The following CCDC91 variants were observed in gnomAD, a reference collection of about 807,000 sequenced individuals.
The protein encoded by CCDC91 is coiled-coil domain containing 91.
CCDC91 carries 48 observed loss-of-function variants against 63.2 expected under a neutral mutation model. The ratio of observed to expected loss-of-function variants is 0.76; its 90% CI spans 0.60 to 0.97. The LOEUF (loss-of-function observed/expected upper bound fraction) is 0.97. Ranked by LOEUF, CCDC91 falls within the 50% of genes least tolerant of loss-of-function variation. The probability of loss-of-function intolerance (pLI) is 0.00; values close to 1 mark genes in which losing one functional copy is unlikely to be tolerated. For missense variants in CCDC91, 500 were observed against 494.6 expected (o/e 1.01, Z -0.10); for synonymous variants, 167 against 165.8 (o/e 1.01, Z -0.06).
intron 3 of CCDC91, among the ~76,000 whole-genome samples, chr12:28,297,372 G>T (rs139154394): frequency 6.6e-6 from 1 of 151,644 alleles, no homozygotes; most frequent in Admixed American, 6.6e-5. Flanking sequence ...AGCTTTTTGT[G>T]CTTTAGAAGA....
chr12:28,386,489 C>A (rs1945608851), intron 7 of CCDC91, among the ~76,000 whole-genome samples: 1 of 152,134 alleles, frequency 6.6e-6, no homozygotes, highest in Non-Finnish European at 1.5e-5. Flanking sequence ...CTGCCTGAGC[C>A]TCCTGAGTAG....
chr12:28,193,327 G>A (rs2121219501), intron 1 of CCDC91, among the ~76,000 whole-genome samples: 1 of 152,304 alleles, frequency 6.6e-6, no homozygotes, highest in South Asian at 2.1e-4. Context: ...TACCAGCTGG[G>A]CGCAGTGGCT....
intron 8 of CCDC91, among the ~76,000 whole-genome samples, chr12:28,435,115 C>CT (rs1948836393): frequency 6.6e-6 from 1 of 151,310 alleles, no homozygotes; most frequent in African/African-American, 2.4e-5. Flanking sequence ...TTTTTTTCCT[C>CT]TATTTTCTGT....
intron 12 of CCDC91, among the ~76,000 whole-genome samples, chr12:28,538,813 A>G (rs1192061232): frequency 3.9e-5 from 6 of 152,086 alleles, no homozygotes; most frequent in Non-Finnish European, 8.8e-5. Flanking sequence ...CTGGTGTGAG[A>G]TGGTATCTCA....
At chr12:28,448,843 T>G (rs1949662623) in intron 8 of CCDC91, among the ~76,000 whole-genome samples, 1 of 152,102 alleles carries the variant, frequency 6.6e-6, no homozygotes, top group Non-Finnish European at 1.5e-5. Context: ...CTTTGTATAT[T>G]TTCTCATATG....
chr12:28,481,303 A>G (rs1348334435), intron 11 of CCDC91, among the ~76,000 whole-genome samples: 1 of 151,918 alleles, frequency 6.6e-6, no homozygotes, highest in African/African-American at 2.4e-5. Context: ...GATACTCGGT[A>G]TGCTGCTTAC....
chr12:28,490,208 A>C (rs572587756), intron 12 of CCDC91, among the ~76,000 whole-genome samples: 1 of 151,942 alleles, frequency 6.6e-6, no homozygotes, highest in South Asian at 2.1e-4. Flanking sequence ...GAGGCTGTGT[A>C]GTTGTATGTG....
At chr12:28,340,405 A>T (rs1411367426) in intron 6 of CCDC91, among the ~76,000 whole-genome samples, 2 of 152,178 alleles carry the variant, frequency 1.3e-5, no homozygotes, top group Non-Finnish European at 2.9e-5. Context: ...GAGAGTGAAA[A>T]AGAGAATATC....
At chr12:28,404,124 T>A (rs1473001836) in intron 8 of CCDC91, among the ~76,000 whole-genome samples, 1 of 152,074 alleles carries the variant, frequency 6.6e-6, no homozygotes, top group East Asian at 1.9e-4. Context: ...TAATTTTAGA[T>A]CTTTCTTCTC....
At chr12:28,267,413 A>G (rs1198593682) in intron 3 of CCDC91, among the ~76,000 whole-genome samples, 1 of 150,984 alleles carries the variant, frequency 6.6e-6, no homozygotes. Flanking sequence ...GTAACTAGTT[A>G]TTTTCACTTC....
intron 12 of CCDC91, among the ~76,000 whole-genome samples, chr12:28,512,119 G>A (rs1939442553): frequency 6.6e-6 from 1 of 151,672 alleles, no homozygotes; most frequent in African/African-American, 2.4e-5. Context: ...TCATATTTGG[G>A]TTTCTATGGT....
At chr12:28,340,910 T>G (rs1942370824) in intron 6 of CCDC91, among the ~76,000 whole-genome samples, 2 of 152,216 alleles carry the variant, frequency 1.3e-5, no homozygotes, top group South Asian at 4.1e-4. Flanking sequence ...GGATCCCATG[T>G]GGGCTTGGAG....
chr12:28,264,565 A>C (rs10771416), intron 3 of CCDC91, among the ~76,000 whole-genome samples: 12 of 147,922 alleles, frequency 8.1e-5, no homozygotes, highest in Admixed American at 3.4e-4. Context: ...GAATATAGGC[A>C]CATATATATA....
chr12:28,515,169 C>G (rs1382904246), intron 12 of CCDC91, among the ~76,000 whole-genome samples: 2 of 151,670 alleles, frequency 1.3e-5, no homozygotes, highest in Non-Finnish European at 2.9e-5. Flanking sequence ...TACTCCAGAT[C>G]TCAAAACCAG....
chr12:28,314,115 T>G (rs543572252), intron 6 of CCDC91, among the ~76,000 whole-genome samples: 1 of 152,156 alleles, frequency 6.6e-6, no homozygotes, highest in African/African-American at 2.4e-5. Flanking sequence ...CTTAATTCTT[T>G]CACATTCCAT....
At chr12:28,507,946 G>A (rs1197431961) in intron 12 of CCDC91, among the ~76,000 whole-genome samples, 1 of 151,992 alleles carries the variant, frequency 6.6e-6, no homozygotes, top group East Asian at 2.0e-4. Flanking sequence ...AATCACCTTG[G>A]GGAAAGGGGA....
At chr12:28,352,092 G>C (rs79439759) in intron 6 of CCDC91, among the ~76,000 whole-genome samples, 1 of 152,170 alleles carries the variant, frequency 6.6e-6, no homozygotes, top group African/African-American at 2.4e-5. Flanking sequence ...CTATACCGTA[G>C]ATTATTGTAT....
intron 11 of CCDC91, among the ~76,000 whole-genome samples, chr12:28,469,173 A>G (rs947503839): frequency 3.9e-5 from 6 of 152,068 alleles, no homozygotes; most frequent in Non-Finnish European, 5.9e-5. Context: ...AGATGATTTT[A>G]TATTTGGAAA....
At chr12:28,452,724 C>G (rs898986793) in intron 11 of CCDC91, 70 bp downstream of exon 11, 13 of 735,022 alleles carry the variant, frequency 1.8e-5, no homozygotes, top group African/African-American at 3.7e-5. Flanking sequence ...TACCCTTACT[C>G]TATCTTTTAT....
Sources: gnomAD v4.1 joint callset for allele counts (sites outside exome capture counted in the v4.1 genomes callset) on GRCh38, gnomAD v4.1.1 for gene constraint, MANE v1.5 for transcripts, NCBI Gene and HGNC (gene_info 2026-07-23, HGNC 2026-07-21) for gene names.